The following ROR1 variants were observed in gnomAD, a reference collection of about 807,000 sequenced individuals.
ROR1 encodes the protein ROR family WNT receptor 1.
A neutral mutation model predicts 78.8 loss-of-function variants in ROR1; 19 were observed. The ratio of observed to expected loss-of-function variants is 0.24; its 90% confidence interval spans 0.17 to 0.35. ROR1 has a LOEUF of 0.35. Ranked by LOEUF, ROR1 falls within the 10% of genes least tolerant of loss-of-function variation. ROR1 has a pLI of 1.00. For synonymous variants in ROR1, 386 were observed against 433.6 expected (o/e 0.89, Z 1.36); for missense variants, 917 against 1,177.8 (o/e 0.78, Z 3.24).
chr1:64,093,263 G>A (rs970230908), intron 4 of ROR1, among the ~76,000 whole-genome samples: 1 of 152,056 alleles, frequency 6.6e-6, no homozygotes, highest in African/African-American at 2.4e-5. Flanking sequence ...TTTTCCTGCT[G>A]TCCCAGAATA....
intron 4 of ROR1, among the ~76,000 whole-genome samples, chr1:64,090,140 A>G (rs1243146489): frequency 2.0e-5 from 3 of 152,150 alleles, no homozygotes; most frequent in Non-Finnish European, 4.4e-5. Context: ...TATTAGCAGC[A>G]TGAGAACAGA....
intron 1 of ROR1, among the ~76,000 whole-genome samples, chr1:63,984,726 G>A (rs1268529800): frequency 6.6e-6 from 1 of 152,184 alleles, no homozygotes; most frequent in Non-Finnish European, 1.5e-5. Context: ...GACTCAATAT[G>A]TATTTTCATT....
intron 1 of ROR1, among the ~76,000 whole-genome samples, chr1:63,810,187 G>A (rs752798184): frequency 3.7e-4 from 57 of 152,174 alleles, no homozygotes; most frequent in Non-Finnish European, 1.0e-4. Flanking sequence ...GGAAATTATC[G>A]GCAAATGAAT....
intron 1 of ROR1, among the ~76,000 whole-genome samples, chr1:63,857,657 A>G (rs1645157201): frequency 6.6e-6 from 1 of 152,234 alleles, no homozygotes; most frequent in Admixed American, 6.5e-5. Flanking sequence ...GAGTCGTTGC[A>G]TTCTTATCAA....
intron 4 of ROR1, among the ~76,000 whole-genome samples, chr1:64,087,555 T>C (rs1647164645): frequency 6.6e-6 from 1 of 152,174 alleles, no homozygotes; most frequent in Non-Finnish European, 1.5e-5. Context: ...CCACTTTAAG[T>C]AATGTGGGCT....
At chr1:63,920,823 A>G (rs1645648515) in intron 1 of ROR1, among the ~76,000 whole-genome samples, 1 of 152,214 alleles carries the variant, frequency 6.6e-6, no homozygotes, top group East Asian at 1.9e-4. Flanking sequence ...CAAAGCCCCA[A>G]GGTGGCCCGT....
intron 1 of ROR1, among the ~76,000 whole-genome samples, chr1:63,913,224 T>G (rs1179291346): frequency 6.6e-6 from 1 of 152,208 alleles, no homozygotes. Flanking sequence ...TATGGATATA[T>G]TAATGTAGAA....
chr1:64,040,401 A>G (rs1311457039), intron 2 of ROR1, among the ~76,000 whole-genome samples: 1 of 152,234 alleles, frequency 6.6e-6, no homozygotes, highest in Non-Finnish European at 1.5e-5. Context: ...TAGAAATTTA[A>G]GTGAAAAGTG....
At chr1:64,054,747 G>A (rs778764224) in intron 4 of ROR1, among the ~76,000 whole-genome samples, 1 of 152,156 alleles carries the variant, frequency 6.6e-6, no homozygotes, top group Non-Finnish European at 1.5e-5. Context: ...TTCTTGGGCT[G>A]CTGGAAAGTA....
intron 1 of ROR1, among the ~76,000 whole-genome samples, chr1:63,866,718 A>G (rs1307330925): frequency 2.6e-5 from 4 of 152,168 alleles, no homozygotes; most frequent in African/African-American, 4.8e-5. Flanking sequence ...GTTTTAGACT[A>G]GGCCTGCTCA....
At chr1:64,144,046 G>A (rs182041722) in intron 7 of ROR1, among the ~76,000 whole-genome samples, 1 of 152,304 alleles carries the variant, frequency 6.6e-6, no homozygotes, top group Admixed American at 6.5e-5. Context: ...ACAGGAGGAG[G>A]AGTGGAAGAC....
In ROR1 at chr1:64,101,782, T is replaced by C. The variant is rs1259344040; in HGVS notation, c.483-35587T>C. On this transcript the variant is annotated intron_variant, in intron 4 of 8. Transcript: ENST00000371079. The stretch of plus-strand genomic sequence containing the variant: ...CATTTGGGCAAAGGCTTGAATGAAG[T>C]GAGAGAGTGAGCCATACGTTTATCT... 5.9e-5 allele frequency among the ~76,000 whole-genome samples: 9 copies of C among 152,224 alleles called. No homozygotes were observed. The South Asian group carries it at 1.9e-3, about 32-fold the overall frequency.
At chr1:63,844,486 T>C (rs183082789) in intron 1 of ROR1, among the ~76,000 whole-genome samples, 4 of 152,308 alleles carry the variant, frequency 2.6e-5, no homozygotes, top group Admixed American at 2.0e-4. Flanking sequence ...GGGTGTTTTA[T>C]TTATCTTTGT....
chr1:64,158,977 C>T lies in ROR1; in HGVS notation c.1175-4C>T. The T allele has an allele frequency of 6.2e-7, 1 of 1,611,928 alleles. No individual in the cohort carries two copies. Among genetic ancestry groups the T allele is most frequent in the Non-Finnish European group, 8.5e-7 (1 of 1,178,230 alleles). On this transcript the variant is annotated splice_polypyrimidine_tract_variant and splice_region_variant and intron_variant, in intron 7 of 8. Transcript: ENST00000371079. ...CTTTTGCTCTTTTTCATTTCTGCAC[C>T]CAGATTCAAAGGATTCCAAGGAGAA...
chr1:64,058,309 T>C (rs1488553697), intron 4 of ROR1, among the ~76,000 whole-genome samples: 1 of 152,138 alleles, frequency 6.6e-6, no homozygotes, highest in Non-Finnish European at 1.5e-5. Flanking sequence ...TCAATTTGGG[T>C]GCCATTTACT....
chr1:63,949,268 G>C (rs956377960), intron 1 of ROR1, among the ~76,000 whole-genome samples: 1 of 152,122 alleles, frequency 6.6e-6, no homozygotes, highest in Non-Finnish European at 1.5e-5. Flanking sequence ...GATTTTTCCT[G>C]ATTACCTATT....
chr1:63,992,777 G>T (rs1353670252), intron 1 of ROR1, among the ~76,000 whole-genome samples: 1 of 152,170 alleles, frequency 6.6e-6, no homozygotes, highest in African/African-American at 2.4e-5. Flanking sequence ...AATGTGCTTT[G>T]CAAACTCTCA....
chr1:63,947,473 C>T (rs931609352), intron 1 of ROR1, among the ~76,000 whole-genome samples: 12 of 152,238 alleles, frequency 7.9e-5, no homozygotes, highest in African/African-American at 2.6e-4. Flanking sequence ...CATTCCCATC[C>T]AAACAGGGAA....
chr1:64,054,494 G>C (rs2100597467), intron 4 of ROR1, among the ~76,000 whole-genome samples: 1 of 152,196 alleles, frequency 6.6e-6, no homozygotes, highest in Non-Finnish European at 1.5e-5. Context: ...TCACTCCCTG[G>C]AGCCAGTGGC....
Sources: allele counts gnomAD v4.1 joint callset (sites outside exome capture counted in the v4.1 genomes callset), GRCh38; gene constraint gnomAD v4.1.1; transcripts MANE v1.5; gene names NCBI Gene and HGNC (gene_info 2026-07-23, HGNC 2026-07-21).